CDH18: variants seen among roughly 807,000 people sequenced by gnomAD.
CDH18 encodes cadherin-18.
CDH18 carries 31 observed loss-of-function variants against 67.9 expected under a neutral mutation model. The ratio of observed to expected loss-of-function variants is 0.46; its 90% CI spans 0.34 to 0.62. The LOEUF is 0.62. Ranked by LOEUF, CDH18 falls within the 20% of genes least tolerant of loss-of-function variation. The probability of loss-of-function intolerance (pLI) is 0.01; values close to 1 mark genes in which losing one functional copy is unlikely to be tolerated. For missense variants in CDH18, 890 were observed against 975.5 expected (o/e 0.91, Z 1.17); for synonymous variants, 362 against 347.2 (o/e 1.04, Z -0.48).
At chr5:20,296,848 A>G (rs2149957070) in intron 1 of CDH18, among the ~76,000 whole-genome samples, 1 of 151,966 alleles carries the variant, frequency 6.6e-6, no homozygotes, top group East Asian at 1.9e-4. Flanking sequence ...GATATTCACT[A>G]TTTTGCTTAA....
At chr5:19,848,756 A>G (rs988852220) in intron 2 of CDH18, among the ~76,000 whole-genome samples, 3 of 151,876 alleles carry the variant, frequency 2.0e-5, no homozygotes, top group African/African-American at 7.2e-5. Context: ...GTGAGAAATG[A>G]TGGTAGTGAA....
intron 1 of CDH18, among the ~76,000 whole-genome samples, chr5:20,558,022 ATGTTATAGTTATATAACATTAAT>A (rs1425445493): frequency 4.4e-5 from 6 of 135,860 alleles, no homozygotes; most frequent in Non-Finnish European, 8.1e-5. Context: ...ATAACATTAA[ATGTTATAGTTATATAACATTAAT>A]TGTTATATAA....
chr5:20,101,613 C>A (rs924895501), intron 2 of CDH18, among the ~76,000 whole-genome samples: 6 of 152,116 alleles, frequency 3.9e-5, no homozygotes, highest in African/African-American at 9.7e-5. Flanking sequence ...TAATGACAAT[C>A]GTAAGTGTGG....
intron 2 of CDH18, among the ~76,000 whole-genome samples, chr5:20,252,903 T>C (rs192174481): frequency 5.7e-4 from 86 of 149,746 alleles, no homozygotes; most frequent in Middle Eastern, 6.9e-3. Context: ...GCCACTGCAC[T>C]CCAGCCTGGG....
At chr5:19,811,282 G>A (rs1778717425) in intron 3 of CDH18, among the ~76,000 whole-genome samples, 1 of 152,036 alleles carries the variant, frequency 6.6e-6, no homozygotes. Flanking sequence ...TTCAAAATGT[G>A]ATCTTATTAA....
chr5:19,939,500 C>T (rs1455302169), intron 2 of CDH18, among the ~76,000 whole-genome samples: 2 of 151,658 alleles, frequency 1.3e-5, no homozygotes, highest in African/African-American at 4.8e-5. Context: ...CACTGCATCA[C>T]TGATTAAAAA....
At chr5:19,480,618 G>A (rs1189329068) in intron 12 of CDH18, among the ~76,000 whole-genome samples, 2 of 151,956 alleles carry the variant, frequency 1.3e-5, no homozygotes, top group Non-Finnish European at 2.9e-5. Flanking sequence ...ACCTCGTGAT[G>A]CGCCCACCTC....
chr5:20,014,405 G>A (rs1737709995), intron 2 of CDH18, among the ~76,000 whole-genome samples: 1 of 152,042 alleles, frequency 6.6e-6, no homozygotes, highest in African/African-American at 2.4e-5. Context: ...AGTCTGAGAG[G>A]AATGGGAAAG....
At chr5:20,524,754 C>T (rs1755946353) in intron 1 of CDH18, among the ~76,000 whole-genome samples, 1 of 152,116 alleles carries the variant, frequency 6.6e-6, no homozygotes, top group Non-Finnish European at 1.5e-5. Flanking sequence ...TTTCCAGGTC[C>T]TTTATCAGTG....
At chr5:20,348,498 G>C (rs1222764169) in intron 1 of CDH18, among the ~76,000 whole-genome samples, 1 of 152,160 alleles carries the variant, frequency 6.6e-6, no homozygotes, top group Non-Finnish European at 1.5e-5. Context: ...TTGTCAGAGT[G>C]TGTGGAGGAA....
chr5:19,744,788 T>G (rs1230977117), intron 4 of CDH18, among the ~76,000 whole-genome samples: 2 of 152,238 alleles, frequency 1.3e-5, no homozygotes, highest in Non-Finnish European at 2.9e-5. Flanking sequence ...CTATTTCATG[T>G]AATAAATGTG....
intron 2 of CDH18, among the ~76,000 whole-genome samples, chr5:19,965,321 T>A (rs963986157): frequency 6.6e-6 from 1 of 152,174 alleles, no homozygotes; most frequent in Non-Finnish European, 1.5e-5. Context: ...TGTAGCCACA[T>A]ATGTAGGAAT....
intron 1 of CDH18, among the ~76,000 whole-genome samples, chr5:20,528,954 GC>G (rs1756233900): frequency 7.7e-6 from 1 of 129,418 alleles, no homozygotes. Context: ...GAATCCAGGA[GC>G]TGGTTTTGTG....
At chr5:20,176,562 G>A (rs1182275381) in intron 2 of CDH18, among the ~76,000 whole-genome samples, 1 of 152,040 alleles carries the variant, frequency 6.6e-6, no homozygotes, top group Non-Finnish European at 1.5e-5. Flanking sequence ...CTTTCATAAG[G>A]TTACAATAGA....
rs1774401734 is a variant in CDH18, at chr5:19,776,517, G to A, written c.229-29281C>T. 2.6e-5 allele frequency among the ~76,000 whole-genome samples: 4 copies of A among 152,122 alleles called. 1 individual carries two copies. In the South Asian group the frequency reaches 8.3e-4, roughly 32 times the overall value. ...ATGAATGTAGGGAGGAAGTAAAAGAGGAGAAAATAAATTCATACAGGGAGC... is the reference window on the plus strand; with the variant it reads ...ATGAATGTAGGGAGGAAGTAAAAGAAGAGAAAATAAATTCATACAGGGAGC... On this transcript the variant is annotated intron_variant, in intron 3 of 12. Transcript: ENST00000382275.
At chr5:20,357,108 A>G (rs533359204) in intron 1 of CDH18, among the ~76,000 whole-genome samples, 2 of 152,058 alleles carry the variant, frequency 1.3e-5, no homozygotes, top group South Asian at 4.1e-4. Flanking sequence ...TTTACCTGAC[A>G]CTTTATGAGA....
chr5:19,982,560 T>G lies in CDH18; in HGVS notation c.-375-1382A>C, dbSNP rs1288558077. Among the ~76,000 whole-genome samples the G allele has an allele frequency of 2.0e-5, 3 of 152,176 alleles. No homozygotes were observed. In the East Asian group the frequency reaches 5.8e-4, roughly 29 times the overall value. On this transcript the variant is annotated intron_variant, in intron 1 of 12. Coordinates refer to ENST00000382275, the MANE Select transcript of CDH18 (RefSeq NM_004934.5). ...AAGAGTTTCTTCATTTTTGTGATATTTTTAATTATTTCCTAATTTATTCCC... is the reference window on the plus strand; with the variant it reads ...AAGAGTTTCTTCATTTTTGTGATATGTTTAATTATTTCCTAATTTATTCCC...
At chr5:19,538,998 C>T (rs1399847090) in intron 9 of CDH18, among the ~76,000 whole-genome samples, 2 of 152,072 alleles carry the variant, frequency 1.3e-5, no homozygotes, top group African/African-American at 2.4e-5. Context: ...ACTTGGGTAG[C>T]GTGGTGATGT....
At chr5:20,041,622 G>C (rs764714362) in intron 2 of CDH18, among the ~76,000 whole-genome samples, 13 of 152,278 alleles carry the variant, frequency 8.5e-5, no homozygotes, top group Middle Eastern at 3.4e-3. Context: ...ATGAGAGAAT[G>C]ACAGTGATGG....
Sources: allele counts gnomAD v4.1 joint callset (sites outside exome capture counted in the v4.1 genomes callset), GRCh38; gene constraint gnomAD v4.1.1; transcripts MANE v1.5; gene names NCBI Gene and HGNC (gene_info 2026-07-23, HGNC 2026-07-21).